The following RORA variants were observed in gnomAD, a reference collection of about 807,000 sequenced individuals.
The protein encoded by RORA is RAR related orphan receptor A.
In RORA, 7 loss-of-function variants were observed where a neutral mutation model predicts 69.5. The ratio of observed to expected loss-of-function variants is 0.10; its 90% CI spans 0.06 to 0.19. The LOEUF (loss-of-function observed/expected upper bound fraction) is 0.19. Among genes scored for constraint, RORA ranks in the 10% least tolerant of loss-of-function variants. The pLI, the probability that RORA is intolerant of heterozygous loss-of-function variation, is 1.00. For synonymous variants in RORA, 261 were observed against 240.8 expected (o/e 1.08, Z -0.78); for missense variants, 457 against 663.0 (o/e 0.69, Z 3.41).
At chr15:60,957,473 A>G (rs1224262945) in intron 1 of RORA, among the ~76,000 whole-genome samples, 1 of 152,202 alleles carries the variant, frequency 6.6e-6, no homozygotes, top group Non-Finnish European at 1.5e-5. Flanking sequence ...CTCAAACACA[A>G]TGCAACAGTG....
At chr15:60,620,106 G>A (rs1352194039) in intron 2 of RORA, among the ~76,000 whole-genome samples, 1 of 152,186 alleles carries the variant, frequency 6.6e-6, no homozygotes, top group Non-Finnish European at 1.5e-5. Context: ...ACCAAACTCT[G>A]TTGCTTTAGA....
intron 1 of RORA, among the ~76,000 whole-genome samples, chr15:60,901,570 A>G (rs185870515): frequency 5.6e-4 from 86 of 152,356 alleles, no homozygotes; most frequent in African/African-American, 1.8e-3. Context: ...CACCCAAATA[A>G]CTTAACAAGT....
At chr15:61,114,573 C>A (rs2079033914) in intron 1 of RORA, among the ~76,000 whole-genome samples, 1 of 152,210 alleles carries the variant, frequency 6.6e-6, no homozygotes, top group Non-Finnish European at 1.5e-5. Context: ...AAAGAACTTA[C>A]TGTCCCTTTT....
At chr15:60,584,878 C>T (rs554015441) in intron 2 of RORA, among the ~76,000 whole-genome samples, 9 of 152,242 alleles carry the variant, frequency 5.9e-5, no homozygotes, top group Non-Finnish European at 1.3e-4. Context: ...TGAAACTTAA[C>T]CACAAGTCTT....
At chr15:61,091,208 C>T (rs1265852078) in intron 1 of RORA, among the ~76,000 whole-genome samples, 1 of 152,118 alleles carries the variant, frequency 6.6e-6, no homozygotes, top group Non-Finnish European at 1.5e-5. Flanking sequence ...AATTACGCTG[C>T]TGAATAAAGG....
intron 1 of RORA, among the ~76,000 whole-genome samples, chr15:60,899,430 C>A (rs1248600631): frequency 6.6e-6 from 1 of 152,134 alleles, no homozygotes; most frequent in African/African-American, 2.4e-5. Flanking sequence ...TACTAATTTT[C>A]TGAGAGGAAA....
At chr15:60,557,903 T>C (rs1419422979) in intron 2 of RORA, among the ~76,000 whole-genome samples, 5 of 152,190 alleles carry the variant, frequency 3.3e-5, no homozygotes. Context: ...AAAGAAATAT[T>C]TCTAAATTAT....
chr15:60,788,338 T>G (rs1362251907), intron 1 of RORA, among the ~76,000 whole-genome samples: 1 of 152,120 alleles, frequency 6.6e-6, no homozygotes, highest in African/African-American at 2.4e-5. Context: ...ATGTGCTAAG[T>G]TCATGGCTGG....
At chr15:60,768,983 C>A (rs998724172) in intron 1 of RORA, among the ~76,000 whole-genome samples, 1 of 152,172 alleles carries the variant, frequency 6.6e-6, no homozygotes, top group African/African-American at 2.4e-5. Context: ...ATTTTTAAAA[C>A]GTGCACAGTG....
intron 1 of RORA, among the ~76,000 whole-genome samples, chr15:61,011,558 C>T (rs933979118): frequency 6.6e-6 from 1 of 151,894 alleles, no homozygotes; most frequent in African/African-American, 2.4e-5. Context: ...TTGATTTTCT[C>T]AAGGGAGATA....
chr15:60,752,977 A>C (rs998861080), intron 1 of RORA, among the ~76,000 whole-genome samples: 3 of 152,210 alleles, frequency 2.0e-5, no homozygotes, highest in African/African-American at 7.2e-5. Context: ...CCTTTTCAAA[A>C]CAACAAGAAG....
intron 1 of RORA, among the ~76,000 whole-genome samples, chr15:60,907,172 T>C (rs1891569085): frequency 6.6e-6 from 1 of 152,240 alleles, no homozygotes; most frequent in Non-Finnish European, 1.5e-5. Flanking sequence ...CTGCCTTTCA[T>C]ACATGAGGTA....
chr15:60,522,647 G>A (rs1487507736), intron 3 of RORA, among the ~76,000 whole-genome samples: 1 of 151,880 alleles, frequency 6.6e-6, no homozygotes, highest in Non-Finnish European at 1.5e-5. Context: ...GCATGTGCTT[G>A]TAGTCCCAGC....
intron 3 of RORA, among the ~76,000 whole-genome samples, chr15:60,517,503 T>A (rs971324590): frequency 2.0e-5 from 3 of 146,704 alleles, no homozygotes; most frequent in African/African-American, 8.3e-5. Flanking sequence ...TGTGTCTGTT[T>A]CCCCTGTGAA....
chr15:60,732,220 T>C (rs553318384), intron 1 of RORA, among the ~76,000 whole-genome samples: 22 of 152,234 alleles, frequency 1.4e-4, no homozygotes, highest in Non-Finnish European at 2.9e-4. Flanking sequence ...AAAAATACTA[T>C]GTAACATTTT....
intron 1 of RORA, among the ~76,000 whole-genome samples, chr15:61,028,185 G>A (rs1327519417): frequency 1.3e-5 from 2 of 152,090 alleles, no homozygotes; most frequent in Non-Finnish European, 2.9e-5. Flanking sequence ...GCCCATCATG[G>A]TTACTTCTAC....
At chr15:60,774,917 A>G (rs1330159228) in intron 1 of RORA, among the ~76,000 whole-genome samples, 1 of 152,212 alleles carries the variant, frequency 6.6e-6, no homozygotes, top group Non-Finnish European at 1.5e-5. Context: ...TAATTATAGT[A>G]TCAATTCATG....
chr15:61,206,108 C>T (rs1322437833), intron 1 of RORA, among the ~76,000 whole-genome samples: 2 of 152,126 alleles, frequency 1.3e-5, no homozygotes, highest in Non-Finnish European at 2.9e-5. Context: ...CTATTGTGAA[C>T]CACTATCACA....
At chr15:60,651,983 C>T (rs1421204739) in intron 2 of RORA, among the ~76,000 whole-genome samples, 1 of 152,210 alleles carries the variant, frequency 6.6e-6, no homozygotes, top group African/African-American at 2.4e-5. Context: ...AAGTGTAGCC[C>T]TGATCAAAGA....
Sources: allele counts gnomAD v4.1 joint callset (sites outside exome capture counted in the v4.1 genomes callset), GRCh38; gene constraint gnomAD v4.1.1; transcripts MANE v1.5; gene names NCBI Gene and HGNC (gene_info 2026-07-23, HGNC 2026-07-21).